CORO2B: variants seen among roughly 807,000 people sequenced by gnomAD.
CORO2B encodes the protein coronin 2B.
A neutral mutation model predicts 58.8 loss-of-function variants in CORO2B; 26 were observed. The observed-to-expected ratio is 0.44, with a 90% CI of 0.32 to 0.61. The LOEUF (loss-of-function observed/expected upper bound fraction) is 0.61. Ranked by LOEUF, CORO2B falls within the 20% of genes least tolerant of loss-of-function variation. The probability of loss-of-function intolerance (pLI) is 0.04; values close to 1 mark genes in which losing one functional copy is unlikely to be tolerated. For synonymous variants in CORO2B, 242 were observed against 253.8 expected (o/e 0.95, Z 0.44); for missense variants, 460 against 645.1 (o/e 0.71, Z 3.11).
the CORO2B span, among the ~76,000 whole-genome samples, chr15:68,536,994 C>A: frequency 6.6e-6 from 1 of 152,222 alleles, no homozygotes; most frequent in African/African-American, 2.4e-5. Flanking sequence ...CTGTGGAGCA[C>A]CACCCCAAAC....
At chr15:68,602,082 C>T (rs1899998826) in intron 1 of CORO2B, among the ~76,000 whole-genome samples, 1 of 150,812 alleles carries the variant, frequency 6.6e-6, no homozygotes, top group African/African-American at 2.4e-5. Flanking sequence ...CTAATCACCT[C>T]TGAAAGGATC....
rs991844130 is a variant in CORO2B, at chr15:68,725,772, C to CT, written c.1312-71_1312-70insT. The CT allele has an allele frequency of 1.6e-4, 260 of 1,588,566 alleles. 2 individuals carry two copies. Among genetic ancestry groups the CT allele is most frequent in the Middle Eastern group, 1.1e-3 (6 of 5,604 alleles). On this transcript the variant is annotated intron_variant, in intron 11 of 11. Coordinates refer to ENST00000261861, the MANE Select transcript of CORO2B (RefSeq NM_006091.5). ...CACGGGCGGCAGGCAGCTGGAGACTCACCTGGGAAATCCTTGTCTCACCTG... is the reference window on the plus strand; with the variant it reads ...CACGGGCGGCAGGCAGCTGGAGACTCTACCTGGGAAATCCTTGTCTCACCTG...
intron 3 of CORO2B, among the ~76,000 whole-genome samples, chr15:68,698,956 G>A (rs1256670987): frequency 6.6e-6 from 1 of 152,206 alleles, no homozygotes; most frequent in Non-Finnish European, 1.5e-5. Flanking sequence ...AGAGAAGAGA[G>A]AGAGAGATTA....
intron 2 of CORO2B, among the ~76,000 whole-genome samples, chr15:68,667,272 CA>C (rs1902222912): frequency 6.6e-6 from 1 of 152,194 alleles, no homozygotes; most frequent in Non-Finnish European, 1.5e-5. Context: ...CCTCTCTGCA[CA>C]GCTCAGGGCA....
At position 68,596,074 on chromosome 15, in the gene CORO2B, G is replaced by C. The variant is rs78801012; in HGVS notation, c.15+16797G>C. Among the ~76,000 whole-genome samples, 129 of 152,182 alleles carry C rather than the reference G, an allele frequency of 8.5e-4. 4 individuals are homozygous for C. The East Asian group carries it at 0.018, about 21-fold the overall frequency. On this transcript the variant is annotated intron_variant, in intron 1 of 11. Coordinates refer to ENST00000261861, the MANE Select transcript of CORO2B (RefSeq NM_006091.5). ...AGGGGTGGCTTGCGGGGAGGTGGGA[G>C]TTGTGCAGGAGTGCTGTTCCTGGGC...
chr15:68,600,008 C>A (rs1275876205), intron 1 of CORO2B, among the ~76,000 whole-genome samples: 1 of 152,112 alleles, frequency 6.6e-6, no homozygotes, highest in Non-Finnish European at 1.5e-5. Context: ...GGGGTAGGCC[C>A]CCTCCAGAGG....
chr15:68,694,743 C>T (rs571625847), intron 2 of CORO2B, among the ~76,000 whole-genome samples: 18 of 152,182 alleles, frequency 1.2e-4, no homozygotes, highest in Non-Finnish European at 2.4e-4. Flanking sequence ...CGTGCGTGAA[C>T]AAGGCAGATC....
At chr15:68,557,817 A>G in the CORO2B span, among the ~76,000 whole-genome samples, 1 of 152,226 alleles carries the variant, frequency 6.6e-6, no homozygotes, top group African/African-American at 2.4e-5. Flanking sequence ...CCACAGCCTT[A>G]GTCATGGTCC....
intron 1 of CORO2B, among the ~76,000 whole-genome samples, chr15:68,610,540 T>C (rs370999693): frequency 2.0e-3 from 303 of 152,204 alleles, no homozygotes; most frequent in African/African-American, 7.0e-3. Context: ...TCTCCCCTCC[T>C]GTTCTCCCAT....
At chr15:68,570,345 C>A in the CORO2B span, among the ~76,000 whole-genome samples, 1 of 152,204 alleles carries the variant, frequency 6.6e-6, no homozygotes, top group Non-Finnish European at 1.5e-5. Context: ...CACCATCTAT[C>A]TGCATAAGGA....
chr15:68,591,814 G>A (rs745541847), intron 1 of CORO2B, among the ~76,000 whole-genome samples: 1 of 152,182 alleles, frequency 6.6e-6, no homozygotes, highest in African/African-American at 2.4e-5. Context: ...GAGAACATAG[G>A]AGGGGGCAGA....
At chr15:68,694,269 A>G (rs190314768) in intron 2 of CORO2B, among the ~76,000 whole-genome samples, 1 of 152,348 alleles carries the variant, frequency 6.6e-6, no homozygotes, top group East Asian at 1.9e-4. Flanking sequence ...GTGCTGTCAT[A>G]TATTGAGCAT....
chr15:68,549,387 T>C, the CORO2B span, among the ~76,000 whole-genome samples: 1 of 151,682 alleles, frequency 6.6e-6, no homozygotes, highest in African/African-American at 2.4e-5. Context: ...TTTTTTTAAT[T>C]GGTTGGTTGG....
chr15:68,604,055 CAT>C (rs1566982673), intron 1 of CORO2B, among the ~76,000 whole-genome samples: 2 of 152,174 alleles, frequency 1.3e-5, no homozygotes, highest in African/African-American at 4.8e-5. Flanking sequence ...ATTCTTACCC[CAT>C]AGAAGCGTTG....
chr15:68,683,975 G>T (rs999045984), intron 2 of CORO2B, among the ~76,000 whole-genome samples: 3 of 151,284 alleles, frequency 2.0e-5, no homozygotes, highest in Non-Finnish European at 4.4e-5. Context: ...GGCTTATAAG[G>T]TCTAGATAGT....
At chr15:68,562,461 T>C in the CORO2B span, among the ~76,000 whole-genome samples, 2 of 152,244 alleles carry the variant, frequency 1.3e-5, no homozygotes, top group African/African-American at 4.8e-5. Flanking sequence ...GGCTCATGTC[T>C]TTACATTCTT....
At chr15:68,591,836 T>G (rs546236063) in intron 1 of CORO2B, among the ~76,000 whole-genome samples, 46 of 152,282 alleles carry the variant, frequency 3.0e-4, no homozygotes, top group African/African-American at 8.9e-4. Context: ...GACCAGAAGT[T>G]TCCTTCTAGG....
chr15:68,617,899 T>C (rs756434765), intron 1 of CORO2B, among the ~76,000 whole-genome samples: 1 of 152,192 alleles, frequency 6.6e-6, no homozygotes, highest in Non-Finnish European at 1.5e-5. Context: ...CTTAGGCTAC[T>C]GGAATGCCCT....
In CORO2B at chr15:68,710,976, C is replaced by T; in HGVS notation, c.483+95C>T. On this transcript the variant is annotated intron_variant, in intron 4 of 11. Transcript: ENST00000261861. The surrounding 1 kb of genome is among the most constrained non-coding windows in gnomAD (Gnocchi z 4.1). Reference sequence around the variant, plus strand: ...GGAAGCACTGTTGCTTCCTAAGCAACCAATATGGCCTCATCTGTTCATTTG... The same window carrying T: ...GGAAGCACTGTTGCTTCCTAAGCAATCAATATGGCCTCATCTGTTCATTTG... 7 of 1,320,926 alleles carry T rather than the reference C, an allele frequency of 5.3e-6. No homozygotes were observed. The highest frequency in any genetic ancestry group is 6.1e-6 in the Non-Finnish European group (6 of 982,868). The allele number at this position is 1,320,926 out of a possible 1,614,324, so 81.8% of individuals were successfully genotyped here.
Sources: gnomAD v4.1 joint callset for allele counts (sites outside exome capture counted in the v4.1 genomes callset) on GRCh38, gnomAD v4.1.1 for gene constraint, Gnocchi (gnomAD v3.1) non-coding constraint, MANE v1.5 for transcripts, NCBI Gene and HGNC (gene_info 2026-07-23, HGNC 2026-07-21) for gene names.